The following SLC9B1 variants were observed in gnomAD, a reference collection of about 807,000 sequenced individuals.
SLC9B1 encodes sodium/hydrogen exchanger 9B1.
Under a neutral mutation model 51.7 loss-of-function variants are expected in SLC9B1, and 32 were observed. That is an observed-to-expected ratio of 0.62 (90% CI 0.47 to 0.83). The LOEUF is 0.83. Among genes scored for constraint, SLC9B1 ranks in the 40% least tolerant of loss-of-function variants. SLC9B1 has a pLI of 0.00. For missense variants in SLC9B1, 406 were observed against 613.2 expected (o/e 0.66, Z 3.57); for synonymous variants, 145 against 212.7 (o/e 0.68, Z 2.77).
chr4:102,934,748 A>G (rs1736632983), intron 6 of SLC9B1, among the ~76,000 whole-genome samples: 1 of 139,746 alleles, frequency 7.2e-6, no homozygotes, highest in South Asian at 2.3e-4. Context: ...CCTGGGTGAC[A>G]GGAAGACTCT....
At chr4:102,950,780 G>A (rs1286598567) in intron 3 of SLC9B1, among the ~76,000 whole-genome samples, 1 of 152,124 alleles carries the variant, frequency 6.6e-6, no homozygotes, top group Non-Finnish European at 1.5e-5. Flanking sequence ...GATCACCTGA[G>A]CTCAGGAGTT....
chr4:102,991,687 C>T lies in SLC9B1; in HGVS notation c.25G>A (p.Glu9Lys). MHTTESKN[E>K]HLEDENFQTS... ...TGGAAGTTTTCATCCTCCAAATGTTCATTTTTTGATTCTGTGGTATGCATG... is the reference window on the plus strand; with the variant it reads ...TGGAAGTTTTCATCCTCCAAATGTTTATTTTTTGATTCTGTGGTATGCATG... Residue 9 changes from glutamate to lysine, a missense_variant, in exon 2 of 12, where the codon GAA becomes AAA. Around this residue, in one of 6 missense-constraint regions of SLC9B1, gnomAD observed 108 missense variants for 94.5 expected, o/e 1.14. Coordinates refer to ENST00000296422, the MANE Select transcript of SLC9B1 (RefSeq NM_139173.4). 6.3e-7 allele frequency: 1 copy of T among 1,587,554 alleles called. No individual in the cohort carries two copies. Among genetic ancestry groups the T allele is most frequent in the South Asian group, 1.1e-5 (1 of 87,742 alleles).
intron 4 of SLC9B1, 56 bp downstream of exon 4, chr4:102,949,201 G>C (rs911642780): frequency 1.5e-6 from 2 of 1,319,286 alleles, no homozygotes; most frequent in African/African-American, 3.0e-5. Flanking sequence ...ACAAGAAAAT[G>C]TTCAACATTT....
Position 102,956,647 on chromosome 4 carries a change from A to G in SLC9B1, c.212-7220T>C, listed in dbSNP as rs555779406. ...TAACAACAACAACACAATATAAAAGACATCACTGCTGAAAACCACTGGGCA... is the reference window on the plus strand; with the variant it reads ...TAACAACAACAACACAATATAAAAGGCATCACTGCTGAAAACCACTGGGCA... On this transcript the variant is annotated intron_variant, in intron 3 of 11. Coordinates refer to ENST00000296422, the MANE Select transcript of SLC9B1 (RefSeq NM_139173.4). Among the ~76,000 whole-genome samples, 5 of 152,308 alleles carry G rather than the reference A, an allele frequency of 3.3e-5. No individual in the cohort carries two copies. The South Asian group carries it at 8.3e-4, about 25-fold the overall frequency.
At chr4:103,017,833 T>C (rs1450051851) in intron 1 of SLC9B1, among the ~76,000 whole-genome samples, 1 of 152,246 alleles carries the variant, frequency 6.6e-6, no homozygotes, top group East Asian at 1.9e-4. Context: ...TTCTTACCAT[T>C]GTATTCACAA....
intron 11 of SLC9B1, among the ~76,000 whole-genome samples, chr4:102,893,886 C>T (rs1001657259): frequency 2.6e-5 from 4 of 152,130 alleles, no homozygotes; most frequent in African/African-American, 9.7e-5. Flanking sequence ...CAGAGCAAGT[C>T]TCCATCTCAA....
intron 7 of SLC9B1, among the ~76,000 whole-genome samples, chr4:102,923,559 C>A (rs1578350044): frequency 1.3e-5 from 2 of 152,098 alleles, no homozygotes; most frequent in Non-Finnish European, 2.9e-5. Flanking sequence ...GAAGTTCTGG[C>A]CAGGGCAATC....
chr4:102,936,614 A>G (rs1170168345), intron 6 of SLC9B1, among the ~76,000 whole-genome samples: 1 of 152,230 alleles, frequency 6.6e-6, no homozygotes, highest in African/African-American at 2.4e-5. Flanking sequence ...TAATACAATA[A>G]CAAGTACTAA....
In SLC9B1 at chr4:102,946,770, A is replaced by T; in HGVS notation, c.402T>A (p.Phe134Leu). The T allele has an allele frequency of 6.3e-7, 1 of 1,598,004 alleles. No homozygotes were observed. Among genetic ancestry groups the T allele is most frequent in the Non-Finnish European group, 8.5e-7 (1 of 1,175,764 alleles). ...PPLLGMLLAG[F>L]TIRNVPFINE... ...TGATGAATGGAACATTCCTAATCGTAAAACCAGCCAGTAACATCCCTTAAA... is the reference window on the plus strand; with the variant it reads ...TGATGAATGGAACATTCCTAATCGTTAAACCAGCCAGTAACATCCCTTAAA... Residue 134 changes from phenylalanine to leucine, a missense_variant, in exon 5 of 12, where the codon TTT (phenylalanine) becomes TTA (leucine). Phe to Leu is a conservative substitution (Grantham distance 22). This residue lies in a region of SLC9B1 where 250 missense variants were observed against 394.1 expected (regional missense o/e 0.63). Coordinates refer to ENST00000296422, the MANE Select transcript of SLC9B1 (RefSeq NM_139173.4).
chr4:103,016,134 CAAAAAAAA>C lies in SLC9B1; in HGVS notation c.-2+3457_-2+3464del, dbSNP rs61227731. The stretch of plus-strand genomic sequence containing the variant: ...GGACAACAAGAGCCAAACTCTGTCT[CAAAAAAAA>C]AAAAAAAAAAAGGAAAGTATATGTT... On this transcript the variant is annotated intron_variant, in intron 1 of 11. Coordinates refer to ENST00000296422, the MANE Select transcript of SLC9B1 (RefSeq NM_139173.4). Among the ~76,000 whole-genome samples the C allele has an allele frequency of 2.8e-4, 14 of 49,630 alleles. 1 individual carries two copies. The Admixed American group carries it at 3.5e-3, about 12-fold the overall frequency. The allele number at this position is 49,630 out of a possible 152,430, so 32.6% of individuals were successfully genotyped here.
intron 7 of SLC9B1, among the ~76,000 whole-genome samples, chr4:102,923,599 A>G (rs1409180248): frequency 1.3e-5 from 2 of 152,028 alleles, no homozygotes; most frequent in African/African-American, 2.4e-5. Flanking sequence ...AGGGTATTCA[A>G]TTAGGAAAAG....
chr4:102,901,687 G>T (rs1429541527), intron 11 of SLC9B1, among the ~76,000 whole-genome samples: 2 of 152,162 alleles, frequency 1.3e-5, no homozygotes, highest in Non-Finnish European at 2.9e-5. Context: ...TGTGCAAGTG[G>T]TTCTTGACTA....
chr4:102,901,395 A>G, intron 11 of SLC9B1, 63 bp from the exon 12 acceptor site: 1 of 1,585,588 alleles, frequency 6.3e-7, no homozygotes, highest in East Asian at 2.3e-5. Flanking sequence ...TATATAATGT[A>G]AATGGCTCTG....
chr4:102,911,377 A>T lies in SLC9B1; in HGVS notation c.936+54T>A, dbSNP rs573339521. 4 of 1,318,138 alleles carry T rather than the reference A, an allele frequency of 3.0e-6. No individual in the cohort carries two copies. In the South Asian group the frequency reaches 5.1e-5, roughly 17 times the overall value. 81.7% of individuals were successfully genotyped at this position (1,318,138 alleles called of 1,614,324 possible). A position where few individuals can be genotyped will look rare whatever the true frequency, so the allele number is the denominator to read the frequency against. On this transcript the variant is annotated intron_variant, in intron 8 of 11. Transcript: ENST00000296422. ...TTCATCGACCTTACCAAAGTTTAAT[A>T]TTTTGAAAAAAATGTCTAATACTAT...
intron 3 of SLC9B1, among the ~76,000 whole-genome samples, chr4:102,951,043 G>A (rs183120504): frequency 2.0e-5 from 3 of 151,988 alleles, no homozygotes; most frequent in African/African-American, 2.4e-5. Flanking sequence ...AACAAAACAC[G>A]GACAAGAAAA....
intron 6 of SLC9B1, 152 bp downstream of exon 6, chr4:102,945,041 G>T: frequency 1.2e-6 from 1 of 860,920 alleles, no homozygotes; most frequent in Non-Finnish European, 1.7e-6. Context: ...TTTGGGACAT[G>T]GCTCTGCTTT....
At chr4:102,949,227 T>C (rs750666256) in intron 4 of SLC9B1, 30 bp downstream of exon 4, 1 of 1,463,724 alleles carries the variant, frequency 6.8e-7, no homozygotes, top group Admixed American at 2.3e-5. Context: ...TAGTCAATAA[T>C]AAAGAAAAGA....
chr4:102,991,627 A>G lies in SLC9B1; in HGVS notation c.69+16T>C. 1 of 1,524,440 alleles carries G rather than the reference A, an allele frequency of 6.6e-7. No homozygotes were observed. The highest frequency in any genetic ancestry group is 8.9e-7 in the Non-Finnish European group (1 of 1,119,826). The allele number at this position is 1,524,440 out of a possible 1,614,324, so 94.4% of individuals were successfully genotyped here. A position where few individuals can be genotyped will look rare whatever the true frequency, so the allele number is the denominator to read the frequency against. Reference sequence around the variant, plus strand: ...GATTTTATATCATATATTACAGTATACTTTTAAGTTTTTACCTGAGGAGTT... The same window carrying G: ...GATTTTATATCATATATTACAGTATGCTTTTAAGTTTTTACCTGAGGAGTT... On this transcript the variant is annotated intron_variant, in intron 2 of 11. Transcript: ENST00000296422.
At chr4:102,940,805 C>T (rs912847182) in intron 6 of SLC9B1, among the ~76,000 whole-genome samples, 20 of 152,220 alleles carry the variant, frequency 1.3e-4, no homozygotes, top group Middle Eastern at 3.4e-3. Context: ...GGTTACAGAA[C>T]GCAGAAATAA....
Sources: gnomAD v4.1 joint callset for allele counts (sites outside exome capture counted in the v4.1 genomes callset) on GRCh38, gnomAD v4.1.1 for gene constraint, gnomAD v4.1.1 regional missense constraint, MANE v1.5 for transcripts, NCBI Gene and HGNC (gene_info 2026-07-23, HGNC 2026-07-21) for gene names.